The following NCOR2 variants were observed in gnomAD, a reference collection of about 807,000 sequenced individuals.
NCOR2 encodes CTG repeat protein 26.
Under a neutral mutation model 262.9 loss-of-function variants are expected in NCOR2, and 81 were observed. The ratio of observed to expected loss-of-function variants is 0.31; its 90% CI spans 0.26 to 0.37. The LOEUF (loss-of-function observed/expected upper bound fraction) is 0.37. Ranked by LOEUF, NCOR2 falls within the 10% of genes least tolerant of loss-of-function variation. The pLI is 1.00. For missense variants in NCOR2, 3,385 were observed against 3,621.4 expected (o/e 0.93, Z 1.68); for synonymous variants, 1,659 against 1,559.3 (o/e 1.06, Z -1.51).
chr12:124,325,376 C>CGGGGGGGGGGGG, exon 47 of NCOR2: 3 of 426,508 alleles, frequency 7.0e-6, no homozygotes, highest in Non-Finnish European at 1.0e-5. Flanking sequence ...GACCTGACAC[C>CGGGGGGGGGGGG]GCCCCCCCCC....
chr12:124,405,703 G>GGA (rs2042237374), intron 13 of NCOR2, among the ~76,000 whole-genome samples: 3 of 152,224 alleles, frequency 2.0e-5, no homozygotes, highest in Admixed American at 2.0e-4. Context: ...CTCGCTGCTG[G>GGA]GAGATTATGC....
At chr12:124,371,739 G>A (rs1387260103) in intron 20 of NCOR2, among the ~76,000 whole-genome samples, 1 of 152,136 alleles carries the variant, frequency 6.6e-6, no homozygotes, top group African/African-American at 2.4e-5. Flanking sequence ...AAGCGAGCAG[G>A]CTGCCTGGCA....
At chr12:124,535,971 G>C (rs1003586697), upstream of NCOR2, among the ~76,000 whole-genome samples, 1 of 152,182 alleles carries the variant, frequency 6.6e-6, no homozygotes, top group Non-Finnish European at 1.5e-5. Context: ...TAACTACCCA[G>C]AGGACCCCAC....
At position 124,333,897 on chromosome 12, in the gene NCOR2, C is replaced by CGCGCGTGTGTGT. The variant is rs1555299266; in HGVS notation, c.6605+526_6605+527insACACACACGCGC. ...GTGTGCGGGTGTGCATGTGTGTGTGCGCGCGCATGTGTGCGGGTGTGCATG... is the reference window on the plus strand; with the variant it reads ...GTGTGCGGGTGTGCATGTGTGTGTGCGCGCGTGTGTGTGCGCGCATGTGTGCGGGTGTGCATG... On this transcript the variant is annotated intron_variant, in intron 41 of 46. Coordinates refer to ENST00000405201, the Ensembl canonical transcript of NCOR2. 1.1e-4 allele frequency among the ~76,000 whole-genome samples: 14 copies of CGCGCGTGTGTGT among 123,618 alleles called. 1 individual carries two copies. The highest frequency in any genetic ancestry group is 3.0e-4 in the African/African-American group (11 of 36,700). The allele number at this position is 123,618 out of a possible 152,430, so 81.1% of individuals were successfully genotyped here.
chr12:124,466,541 C>T (rs1236025024), intron 4 of NCOR2, among the ~76,000 whole-genome samples: 11 of 152,154 alleles, frequency 7.2e-5, no homozygotes, highest in Non-Finnish European at 1.5e-4. Flanking sequence ...GCCAGGGAAG[C>T]ACAGCCAAGC....
intron 2 of NCOR2, among the ~76,000 whole-genome samples, chr12:124,485,443 G>T (rs2047721441): frequency 6.6e-6 from 1 of 152,242 alleles, no homozygotes; most frequent in Non-Finnish European, 1.5e-5. Flanking sequence ...CCCAGAAGCT[G>T]GAGGAGACAG....
At chr12:124,362,077 G>A (rs772098019) in intron 22 of NCOR2, 49 bp downstream of exon 24, 30 of 1,253,110 alleles carry the variant, frequency 2.4e-5, no homozygotes, top group South Asian at 3.8e-5. Flanking sequence ...TCCCTTGCCC[G>A]TCAGTCCCCT....
chr12:124,558,067 C>T (rs1425755507), intron 1 of NCOR2, among the ~76,000 whole-genome samples: 1 of 152,142 alleles, frequency 6.6e-6, no homozygotes, highest in African/African-American at 2.4e-5. Flanking sequence ...CAGGCAGGTT[C>T]CCATGGTCAC....
intron 13 of NCOR2, among the ~76,000 whole-genome samples, chr12:124,406,547 G>A (rs1412011753): frequency 6.6e-6 from 1 of 152,236 alleles, no homozygotes; most frequent in Non-Finnish European, 1.5e-5. Flanking sequence ...ACTGAAAGGA[G>A]AATCAGAAAG....
chr12:124,496,247 G>C (rs918413197), upstream of NCOR2, among the ~76,000 whole-genome samples: 1 of 150,784 alleles, frequency 6.6e-6, no homozygotes, highest in Non-Finnish European at 1.5e-5. The surrounding 1 kb of genome is among the most constrained non-coding windows in gnomAD (Gnocchi z 4.4). Context: ...CCCCAACAAG[G>C]CTTCTCCCCT....
chr12:124,405,723 G>A (rs904130107), intron 13 of NCOR2, among the ~76,000 whole-genome samples: 2 of 152,216 alleles, frequency 1.3e-5, no homozygotes, highest in Non-Finnish European at 2.9e-5. Context: ...CAGGGAGAGG[G>A]AGGTCCCAGC....
At chr12:124,346,656 G>C in exon 31 of NCOR2, 1 of 1,587,654 alleles carries the variant, frequency 6.3e-7, no homozygotes, top group South Asian at 1.1e-5. Context: ...TGGATGGAGC[G>C]GCCCGCCTCC....
intron 13 of NCOR2, 36 bp from the exon 16 acceptor site, chr12:124,402,597 G>T (rs757360017): frequency 1.3e-6 from 2 of 1,546,640 alleles, no homozygotes; most frequent in South Asian, 2.4e-5. Context: ...GGGGAGTGGG[G>T]AGGGAAGAAA....
At chr12:124,352,468 G>A (rs2037573150) in intron 27 of NCOR2, among the ~76,000 whole-genome samples, 1 of 151,972 alleles carries the variant, frequency 6.6e-6, no homozygotes, top group South Asian at 2.1e-4. Context: ...AAACTCCTGG[G>A]CTCAAGTGAT....
intron 8 of NCOR2, among the ~76,000 whole-genome samples, chr12:124,435,045 G>A (rs910956254): frequency 3.3e-5 from 5 of 152,286 alleles, no homozygotes; most frequent in South Asian, 2.1e-4. Flanking sequence ...GTTTCCACGC[G>A]ACCTGGCTCC....
Position 124,330,980 on chromosome 12 carries a change from G to C in NCOR2, c.6905-82C>G, listed in dbSNP as rs1368589006. The C allele has an allele frequency of 5.5e-6, 8 of 1,450,626 alleles. No individual in the cohort carries two copies. In the Admixed American group the frequency reaches 1.6e-4, roughly 29 times the overall value. The allele number at this position is 1,450,626 out of a possible 1,614,324, so 89.9% of individuals were successfully genotyped here. On this transcript the variant is annotated intron_variant, in intron 43 of 46. Transcript: ENST00000405201. ...TACCAGTCCCGTGTGGTCCAGGCCA[G>C]GTGTGCTGGCATCACCTGGGGAAAC...
chr12:124,453,453 G>A (rs965162784), intron 6 of NCOR2, among the ~76,000 whole-genome samples: 1 of 152,156 alleles, frequency 6.6e-6, no homozygotes, highest in African/African-American at 2.4e-5. Flanking sequence ...TAAAATCAGA[G>A]GCACAGCCAC....
At chr12:124,342,180 C>G in intron 33 of NCOR2, 106 bp from the exon 36 acceptor site, 2 of 1,345,748 alleles carry the variant, frequency 1.5e-6, no homozygotes, top group Non-Finnish European at 2.0e-6. Context: ...CAGCTTCTCC[C>G]ACCTACATGT....
chr12:124,558,325 G>A (rs567533066), intron 1 of NCOR2, among the ~76,000 whole-genome samples: 3 of 150,866 alleles, frequency 2.0e-5, no homozygotes, highest in South Asian at 2.1e-4. Context: ...TGTGGGGAGC[G>A]AGCCAAGGGG....
Sources: gnomAD v4.1 joint callset for allele counts (sites outside exome capture counted in the v4.1 genomes callset) on GRCh38, gnomAD v4.1.1 for gene constraint, Gnocchi (gnomAD v3.1) non-coding constraint, MANE v1.5 for transcripts, NCBI Gene and HGNC (gene_info 2026-07-23, HGNC 2026-07-21) for gene names.